The following F10 variants were observed in gnomAD, a reference collection of about 807,000 sequenced individuals.
The protein encoded by F10 is coagulation factor X, also known as Stuart-Prower factor.
A neutral mutation model predicts 37.1 loss-of-function variants in F10; 29 were observed. The observed-to-expected ratio is 0.78, with a 90% CI of 0.58 to 1.07. F10 has a LOEUF of 1.07. Ranked by LOEUF, F10 falls within the 50% of genes least tolerant of loss-of-function variation. F10 has a pLI of 0.00. For missense variants in F10, 539 were observed against 667.9 expected (o/e 0.81, Z 2.13); for synonymous variants, 262 against 268.6 (o/e 0.98, Z 0.24).
At chr13:113,148,363 T>TATACAC (rs56165023) in intron 7 of F10, among the ~76,000 whole-genome samples, 113 of 110,330 alleles carry the variant, frequency 1.0e-3, no homozygotes, top group African/African-American at 3.4e-3. Context: ...TATATATATA[T>TATACAC]GTATATATAT....
At position 113,142,872 on chromosome 13, in the gene F10, CA is replaced by C. The variant is rs59979271; in HGVS notation, c.503-977del. Among the ~76,000 whole-genome samples the C allele has an allele frequency of 1.6e-3, 247 of 151,184 alleles. 5 individuals carry two copies. In the East Asian group the frequency reaches 0.044, roughly 27 times the overall value. On this transcript the variant is annotated intron_variant, in intron 5 of 7. Coordinates refer to ENST00000375559, the MANE Select transcript of F10 (RefSeq NM_000504.4). ...GCCTGAACCCAGGAGGTGGAGGTTG[CA>C]ATGAGCCAAGATCATGCCATTGCAC...
intron 2 of F10, 65 bp downstream of exon 2, chr13:113,129,677 G>A (rs1397881098): frequency 1.9e-6 from 3 of 1,600,380 alleles, no homozygotes; most frequent in South Asian, 1.1e-5. Context: ...CGCTGGCCCC[G>A]CTGCTCCGTC....
intron 5 of F10, among the ~76,000 whole-genome samples, chr13:113,142,189 C>T (rs2036534749): frequency 1.3e-5 from 2 of 152,200 alleles, no homozygotes; most frequent in Non-Finnish European, 2.9e-5. Context: ...TAACTGAAGT[C>T]ATTTCTTGAC....
chr13:113,146,112 G>A lies in F10; in HGVS notation c.748-1267G>A, dbSNP rs2036580545. Among the ~76,000 whole-genome samples the A allele has an allele frequency of 6.6e-6, 1 of 152,164 alleles. No homozygotes were observed. Among genetic ancestry groups the A allele is most frequent in the Non-Finnish European group, 1.5e-5 (1 of 68,028 alleles). On this transcript the variant is annotated intron_variant, in intron 6 of 7. Coordinates refer to ENST00000375559, the MANE Select transcript of F10 (RefSeq NM_000504.4). This position sits in a 1 kb window ranked among gnomAD's most constrained non-coding sequence, Gnocchi z 4.5. ...GTGAGCCTCTGTCTAACTATAAAGAGCCAAGCGAGAGAGGGATGCACTGAG... is the reference window on the plus strand; with the variant it reads ...GTGAGCCTCTGTCTAACTATAAAGAACCAAGCGAGAGAGGGATGCACTGAG...
chr13:113,141,013 C>T lies in F10; in HGVS notation c.465C>T (p.Tyr155=). 6.2e-7 allele frequency: 1 copy of T among 1,614,070 alleles called. No homozygotes were observed. Among genetic ancestry groups the T allele is most frequent in the Non-Finnish European group, 8.5e-7 (1 of 1,180,044 alleles). Residue 155 remains tyrosine, a synonymous_variant, in exon 5 of 8, where the codon TAC becomes TAT. Transcript: ENST00000375559. The surrounding 1 kb of genome is among the most constrained non-coding windows in gnomAD (Gnocchi z 5.4). ...NSVVCSCARG[Y]TLADNGKACI... ...TGGTGTGCTCCTGCGCCCGCGGGTACACCCTGGCTGACAACGGCAAGGCCT... is the reference window on the plus strand; with the variant it reads ...TGGTGTGCTCCTGCGCCCGCGGGTATACCCTGGCTGACAACGGCAAGGCCT...
At chr13:113,142,932 CAA>C (rs761666003) in intron 5 of F10, among the ~76,000 whole-genome samples, 8 of 132,284 alleles carry the variant, frequency 6.0e-5, no homozygotes, top group African/African-American at 5.6e-5. Context: ...AACTCCATCT[CAA>C]AAAAAAAAAA....
At position 113,146,288 on chromosome 13, in the gene F10, C is replaced by T. The variant is rs1024661270; in HGVS notation, c.748-1091C>T. On this transcript the variant is annotated intron_variant, in intron 6 of 7. Transcript: ENST00000375559. This position sits in a 1 kb window ranked among gnomAD's most constrained non-coding sequence, Gnocchi z 4.5. Reference sequence around the variant, plus strand: ...TAGGGAGCTGAGACCGAAATCCTCCCAGTCCCAGGCACTGTGTGGTTGGGG... The same window carrying T: ...TAGGGAGCTGAGACCGAAATCCTCCTAGTCCCAGGCACTGTGTGGTTGGGG... 1.3e-5 allele frequency among the ~76,000 whole-genome samples: 2 copies of T among 152,180 alleles called. No individual in the cohort carries two copies. The highest frequency in any genetic ancestry group is 2.9e-5 in the Non-Finnish European group (2 of 68,030).
rs200070528 is a variant in F10, at chr13:113,139,470, T to C, written c.370T>C (p.Phe124Leu). Reference protein sequence around the residue: ...EGFEGKNCELFTRKLCSLDNG... With the variant: ...EGFEGKNCELLTRKLCSLDNG... ...ATTCGAAGGCAAAAACTGTGAATTA[T>C]GTAGGTTCCTCTGCTTGGTATACCT... Residue 124 changes from phenylalanine (F) to leucine (L), a missense_variant and splice_region_variant, in exon 4 of 8, where the codon TTC (phenylalanine) becomes CTC (leucine). Physicochemically the swap from Phe to Leu is conservative, Grantham distance 22 (BLOSUM62 0). Around this residue, in one of 2 missense-constraint regions of F10, gnomAD observed 409 missense variants for 547.9 expected, o/e 0.75. Transcript: ENST00000375559. This position sits in a 1 kb window ranked among gnomAD's most constrained non-coding sequence, Gnocchi z 5.2. The C allele has an allele frequency of 4.3e-5, 69 of 1,611,768 alleles. No homozygotes were observed. The highest frequency in any genetic ancestry group is 3.6e-5 in the Non-Finnish European group (42 of 1,177,980).
In F10 at chr13:113,149,320, G is replaced by C. The variant is rs201301913; in HGVS notation, c.1270G>C (p.Val424Leu). The change falls in exon 8 of 8, where the codon GTC becomes CTC. Residue 424 changes from valine to leucine, a missense_variant. Val to Leu is a conservative substitution (Grantham distance 32). Transcript: ENST00000375559. The surrounding 1 kb of genome is among the most constrained non-coding windows in gnomAD (Gnocchi z 7.5). ...CCAGGGGGACAGCGGGGGCCCGCACGTCACCCGCTTCAAGGACACCTACTT... is the reference window on the plus strand; with the variant it reads ...CCAGGGGGACAGCGGGGGCCCGCACCTCACCCGCTTCAAGGACACCTACTT... Reference protein sequence around the residue: ...ACQGDSGGPHVTRFKDTYFVT... With the variant: ...ACQGDSGGPHLTRFKDTYFVT... The C allele has an allele frequency of 1.2e-6, 2 of 1,613,272 alleles. No individual in the cohort carries two copies. Among genetic ancestry groups the C allele is most frequent in the East Asian group, 4.5e-5 (2 of 44,882 alleles).
intron 2 of F10, chr13:113,129,857 T>A (rs764165613): frequency 7.2e-6 from 4 of 556,628 alleles, no homozygotes; most frequent in Non-Finnish European, 1.3e-5. Context: ...CCCAAGTCCC[T>A]TGAGGGTCAC....
At chr13:113,131,143 C>G (rs182804692) in intron 2 of F10, 1 of 152,328 alleles carries the variant, frequency 6.6e-6, no homozygotes, top group East Asian at 1.9e-4. Context: ...TCATGATGAA[C>G]GTCATCCCGG....
Position 113,143,699 on chromosome 13 carries a change from A to AAAT in F10, c.503-152_503-151insAAT. The stretch of plus-strand genomic sequence containing the variant: ...CCTGCAGATCCGACCCCTGCCGACG[A>AAAT]CGTGGGGCCTCGCCCTGCAAGCCCG... On this transcript the variant is annotated intron_variant, in intron 5 of 7. Transcript: ENST00000375559. The surrounding 1 kb of genome is among the most constrained non-coding windows in gnomAD (Gnocchi z 6.8). The AAAT allele has an allele frequency of 4.2e-6, 5 of 1,203,564 alleles. No homozygotes were observed. Among genetic ancestry groups the AAAT allele is most frequent in the Admixed American group, 2.1e-5 (1 of 46,648 alleles). The allele number at this position is 1,203,564 out of a possible 1,614,324, so 74.6% of individuals were successfully genotyped here.
In F10 at chr13:113,139,291, G is replaced by A. The variant is rs1261980098; in HGVS notation, c.257-66G>A. 2 of 1,383,922 alleles carry A rather than the reference G, an allele frequency of 1.4e-6. No individual in the cohort carries two copies. Among genetic ancestry groups the A allele is most frequent in the East Asian group, 4.7e-5 (2 of 42,838 alleles). 85.7% of individuals were successfully genotyped at this position (1,383,922 alleles called of 1,614,324 possible). ...GAACGGCAGGGCCAAGGTTAGCACA[G>A]CAAAACTGTTTCCATGATGCCGGAA... is the stretch of plus-strand genomic sequence containing the variant. On this transcript the variant is annotated intron_variant, in intron 3 of 7. Coordinates refer to ENST00000375559, the MANE Select transcript of F10 (RefSeq NM_000504.4). This position sits in a 1 kb window ranked among gnomAD's most constrained non-coding sequence, Gnocchi z 5.2.
intron 2 of F10, among the ~76,000 whole-genome samples, chr13:113,132,839 A>G (rs964527056): frequency 1.3e-5 from 2 of 152,232 alleles, no homozygotes; most frequent in African/African-American, 2.4e-5. Context: ...GGTAGACTAT[A>G]TCCTGTGTCT....
At chr13:113,131,525 A>C (rs1172411700) in intron 2 of F10, 2 of 152,730 alleles carry the variant, frequency 1.3e-5, no homozygotes, top group African/African-American at 4.8e-5. Context: ...ACGCTGCCAG[A>C]AACTAACCTC....
intron 6 of F10, among the ~76,000 whole-genome samples, chr13:113,145,910 G>A (rs1253343109): frequency 6.6e-6 from 1 of 152,296 alleles, no homozygotes; most frequent in Non-Finnish European, 1.5e-5. Flanking sequence ...AGATTTGGGT[G>A]GGGACACAGC....
Position 113,144,902 on chromosome 13 carries a change from G to A in F10, c.747+807G>A, listed in dbSNP as rs1422226634. Among the ~76,000 whole-genome samples, 23 of 119,612 alleles carry A rather than the reference G, an allele frequency of 1.9e-4. No homozygotes were observed. Among genetic ancestry groups the A allele is most frequent in the African/African-American group, 6.6e-4 (20 of 30,474 alleles). 78.5% of individuals were successfully genotyped at this position (119,612 alleles called of 152,430 possible). A position where few individuals can be genotyped will look rare whatever the true frequency, so the allele number is the denominator to read the frequency against. ...GCTAATTTTTTTTTTTTTTTGAGACGGAGTCTCACTCTGTCGCCCAGGCTG... is the reference window on the plus strand; with the variant it reads ...GCTAATTTTTTTTTTTTTTTGAGACAGAGTCTCACTCTGTCGCCCAGGCTG... On this transcript the variant is annotated intron_variant, in intron 6 of 7. Transcript: ENST00000375559. The surrounding 1 kb of genome is among the most constrained non-coding windows in gnomAD (Gnocchi z 6.4).
chr13:113,141,730 C>T lies in F10; in HGVS notation c.502+680C>T, dbSNP rs542449503. Among the ~76,000 whole-genome samples the T allele has an allele frequency of 1.4e-4, 22 of 152,228 alleles. No individual in the cohort carries two copies. In the South Asian group the frequency reaches 2.1e-3, roughly 14 times the overall value. ...ACACGGCCAGCACACATGAGGCCCT[C>T]GAAGGCGGGGCCTAGGCGTCACAGC... On this transcript the variant is annotated intron_variant, in intron 5 of 7. Transcript: ENST00000375559. This position sits in a 1 kb window ranked among gnomAD's most constrained non-coding sequence, Gnocchi z 5.4.
intron 1 of F10, among the ~76,000 whole-genome samples, chr13:113,123,694 G>A (rs920590716): frequency 2.4e-4 from 36 of 152,274 alleles, no homozygotes; most frequent in Admixed American, 1.2e-3. Context: ...CTCGTGGGGT[G>A]GAAAGGGGAG....
Sources: gnomAD v4.1 joint callset for allele counts (sites outside exome capture counted in the v4.1 genomes callset) on GRCh38, gnomAD v4.1.1 for gene constraint, gnomAD v4.1.1 regional missense constraint, Gnocchi (gnomAD v3.1) non-coding constraint, MANE v1.5 for transcripts, NCBI Gene and HGNC (gene_info 2026-07-23, HGNC 2026-07-21) for gene names.